Variants in TENM3 observed in about 807,000 individuals in gnomAD.
TENM3 encodes teneurin-3.
Under a neutral mutation model 255.1 loss-of-function variants are expected in TENM3, and 63 were observed. The ratio of observed to expected loss-of-function variants is 0.25; its 90% CI spans 0.20 to 0.30. The LOEUF is 0.30. Ranked by LOEUF, TENM3 falls within the 10% of genes least tolerant of loss-of-function variation. TENM3 has a pLI of 1.00. For synonymous variants in TENM3, 1,306 were observed against 1,322.3 expected, an observed-to-expected ratio of 0.99 and a Z score of 0.27; for missense variants, 2,929 against 3,461.1, an observed-to-expected ratio of 0.85 and a Z score of 3.86.
chr4:181,985,032 C>G, the TENM3 span, among the ~76,000 whole-genome samples: 1 of 151,952 alleles, frequency 6.6e-6, no homozygotes, highest in African/African-American at 2.4e-5. Flanking sequence ...CAGATACAAT[C>G]TTTAAGAAAA....
At chr4:182,283,513 C>T (rs1760531493) in intron 1 of TENM3, among the ~76,000 whole-genome samples, 1 of 152,144 alleles carries the variant, frequency 6.6e-6, no homozygotes, top group South Asian at 2.1e-4. Flanking sequence ...TCCGACTCCA[C>T]GGTACACTTT....
chr4:182,265,061 A>T (rs1759156580), intron 1 of TENM3, among the ~76,000 whole-genome samples: 1 of 152,002 alleles, frequency 6.6e-6, no homozygotes, highest in African/African-American at 2.4e-5. Context: ...GAGGCACCAC[A>T]GACTCCGTTT....
intron 3 of TENM3, among the ~76,000 whole-genome samples, chr4:182,537,446 T>C (rs1740449937): frequency 6.6e-6 from 1 of 152,218 alleles, no homozygotes; most frequent in African/African-American, 2.4e-5. Context: ...CCAGCTACTT[T>C]ATCTTTCTGT....
rs1751366675 is a variant in TENM3, at chr4:182,161,953, G to A, written c.-76+17199G>A. On this transcript the variant is annotated intron_variant, in intron 1 of 2. Coordinates refer to the TENM3 transcript ENST00000512480. ...TATACACATATATATATTTGTGTGT[G>A]TGTGTGTATATATATATATATATAT... 4.7e-4 allele frequency among the ~76,000 whole-genome samples: 6 copies of A among 12,772 alleles called. 1 individual carries two copies. The highest frequency in any genetic ancestry group is 1.1e-3 in the Admixed American group (1 of 940). The allele number at this position is 12,772 out of a possible 152,430, so 8.4% of individuals were successfully genotyped here. A position where few individuals can be genotyped will look rare whatever the true frequency, so the allele number is the denominator to read the frequency against.
chr4:182,200,035 A>C (rs961111720), intron 1 of TENM3, among the ~76,000 whole-genome samples: 10 of 152,080 alleles, frequency 6.6e-5, no homozygotes, highest in Admixed American at 1.3e-4. Flanking sequence ...GCATATTTTA[A>C]GGTATACATT....
the TENM3 span, among the ~76,000 whole-genome samples, chr4:181,724,037 G>A: frequency 2.3e-4 from 35 of 152,246 alleles, no homozygotes; most frequent in Non-Finnish European, 4.9e-4. Context: ...GTGCCAGCAG[G>A]CCTATAAAAG....
chr4:181,680,703 A>G, the TENM3 span, among the ~76,000 whole-genome samples: 3 of 152,276 alleles, frequency 2.0e-5, no homozygotes, highest in Non-Finnish European at 2.9e-5. Context: ...AAAGATTGCC[A>G]TGCAGAGCCA....
intron 19 of TENM3, among the ~76,000 whole-genome samples, chr4:182,749,603 A>G (rs1256234392): frequency 2.6e-5 from 4 of 152,220 alleles, no homozygotes; most frequent in African/African-American, 9.6e-5. Context: ...ATCCTGTGAA[A>G]TATGTATTAT....
chr4:182,416,080 G>A (rs1770338537), intron 3 of TENM3, among the ~76,000 whole-genome samples: 1 of 152,122 alleles, frequency 6.6e-6, no homozygotes, highest in South Asian at 2.1e-4. Context: ...GAATCCCTAT[G>A]GTTAGTTGCT....
chr4:181,588,957 A>G, the TENM3 span, among the ~76,000 whole-genome samples: 1 of 152,208 alleles, frequency 6.6e-6, no homozygotes, highest in Non-Finnish European at 1.5e-5. Context: ...TCTAGCGGCT[A>G]TGAGAGTTAA....
chr4:181,539,538 T>C, the TENM3 span, among the ~76,000 whole-genome samples: 1 of 152,220 alleles, frequency 6.6e-6, no homozygotes, highest in Non-Finnish European at 1.5e-5. Context: ...TTTATTCCTC[T>C]AAAAATCCAT....
At chr4:181,619,583 G>A in the TENM3 span, among the ~76,000 whole-genome samples, 1 of 151,476 alleles carries the variant, frequency 6.6e-6, no homozygotes, top group Non-Finnish European at 1.5e-5. Context: ...CACCATATTT[G>A]GCCAATTTTT....
the TENM3 span, among the ~76,000 whole-genome samples, chr4:181,882,115 TC>T: frequency 1.3e-5 from 2 of 151,836 alleles, no homozygotes; most frequent in Admixed American, 1.3e-4. Flanking sequence ...GGCTTCTGAG[TC>T]CCCCCCGTTC....
the TENM3 span, among the ~76,000 whole-genome samples, chr4:181,873,624 A>G: frequency 3.3e-5 from 5 of 152,036 alleles, no homozygotes; most frequent in Non-Finnish European, 5.9e-5. Context: ...TGAGATTTCT[A>G]TTTTTGGAGA....
At chr4:182,434,249 A>C (rs1480127056) in intron 3 of TENM3, among the ~76,000 whole-genome samples, 1 of 152,184 alleles carries the variant, frequency 6.6e-6, no homozygotes, top group Non-Finnish European at 1.5e-5. Flanking sequence ...GAGGTGACTG[A>C]GAATGGTGAT....
At chr4:181,546,841 C>CT in the TENM3 span, among the ~76,000 whole-genome samples, 1,985 of 145,762 alleles carry the variant, frequency 0.014, 39 homozygotes, top group African/African-American at 0.048. Flanking sequence ...AGTAGAGCTT[C>CT]TTTTTTTGTT....
intron 3 of TENM3, among the ~76,000 whole-genome samples, chr4:182,527,841 C>T (rs1739372278): frequency 1.3e-5 from 2 of 152,130 alleles, no homozygotes; most frequent in African/African-American, 4.8e-5. Context: ...AGATCTTCTG[C>T]CTCAGCCTCC....
At chr4:182,056,157 C>T in the TENM3 span, among the ~76,000 whole-genome samples, 3 of 151,990 alleles carry the variant, frequency 2.0e-5, no homozygotes, top group African/African-American at 7.3e-5. Context: ...CTCCAAAAAC[C>T]CCTCCAACAG....
At chr4:182,125,023 A>G in the TENM3 span, among the ~76,000 whole-genome samples, 13 of 133,234 alleles carry the variant, frequency 9.8e-5, no homozygotes, top group African/African-American at 3.7e-4. Flanking sequence ...GGGACGGTGA[A>G]TCTTCCCATT....
Sources: allele counts gnomAD v4.1 joint callset (sites outside exome capture counted in the v4.1 genomes callset), GRCh38; gene constraint gnomAD v4.1.1; transcripts MANE v1.5; gene names NCBI Gene and HGNC (gene_info 2026-07-23, HGNC 2026-07-21).